FKBP11: variants seen among roughly 807,000 people sequenced by gnomAD.
FKBP11 encodes the protein peptidyl-prolyl cis-trans isomerase FKBP11.
FKBP11 carries 21 observed loss-of-function variants against 24.7 expected under a neutral mutation model. The ratio of observed to expected loss-of-function variants is 0.85; its 90% confidence interval spans 0.60 to 1.23. The LOEUF (loss-of-function observed/expected upper bound fraction) is 1.23, where lower values mean the gene tolerates loss of function less well. Ranked by LOEUF, FKBP11 falls within the 50% of genes most tolerant of loss-of-function variation. The probability of loss-of-function intolerance (pLI) is 0.00; values close to 1 mark genes in which losing one functional copy is unlikely to be tolerated. For synonymous variants in FKBP11, 106 were observed against 100.6 expected, an observed-to-expected ratio of 1.05 and a Z score of -0.32; for missense variants, 245 against 248.7, an observed-to-expected ratio of 0.99 and a Z score of 0.10.
chr12:48,922,172 G>T lies in FKBP11; in HGVS notation c.418C>A (p.Leu140Met). 6.2e-7 allele frequency: 1 copy of T among 1,613,980 alleles called. No individual in the cohort carries two copies. The highest frequency in any genetic ancestry group is 1.1e-5 in the South Asian group (1 of 91,086). Residue 140 changes from leucine (L) to methionine (M), a missense_variant, in exon 6 of 6, where the codon CTG (leucine) becomes ATG (methionine). Coordinates refer to ENST00000550765, the MANE Select transcript of FKBP11 (RefSeq NM_016594.3). ...ADAVVQYDVE[L>M]IALIRANYWL... ...TAGTTGGCTCGGATTAGTGCAATCA[G>T]CTCCACGTCATACTGCACCACTGCA... is the stretch of plus-strand genomic sequence containing the variant.
Position 48,925,434 on chromosome 12 carries a change from G to A in FKBP11, c.-6C>T. ...AGTGAGGGGCGCAGGGTCATGACTG[G>A]GCGCGGGGCAGGGAGCCGGGGCACC... On this transcript the variant is annotated 5_prime_UTR_variant, in exon 1 of 6. Coordinates refer to ENST00000550765, the MANE Select transcript of FKBP11 (RefSeq NM_016594.3). The A allele has an allele frequency of 6.4e-7, 1 of 1,559,020 alleles. No homozygotes were observed. Among genetic ancestry groups the A allele is most frequent in the East Asian group, 2.4e-5 (1 of 42,428 alleles).
chr12:48,925,331 C>CT lies in FKBP11; in HGVS notation c.97dup (p.Ser33LysfsTer43), dbSNP rs758861575. 4.8e-5 allele frequency: 77 copies of CT among 1,610,922 alleles called. No homozygotes were observed. The Admixed American group carries it at 1.3e-3, about 27-fold the overall frequency. On this transcript the variant is annotated frameshift_variant, in exon 1 of 6. Transcript: ENST00000550765. LOFTEE classifies it high-confidence loss of function. Reference sequence around the variant, plus strand: ...CTCCACTTGGAGGGTCCGGACGGGACTTTCGGTTTCGAGCCCAGCCTCAGC... The same window carrying CT: ...CTCCACTTGGAGGGTCCGGACGGGACTTTTCGGTTTCGAGCCCAGCCTCAGC...
chr12:48,927,535 C>A (rs1227590889), upstream of FKBP11, among the ~76,000 whole-genome samples: 3 of 152,126 alleles, frequency 2.0e-5, no homozygotes, highest in Non-Finnish European at 4.4e-5. Context: ...AACAAAAAAA[C>A]CACAAAACTC....
intron 4 of FKBP11, 173 bp downstream of exon 4, chr12:48,924,050 C>T (rs1565700364): frequency 1.0e-5 from 9 of 886,634 alleles, no homozygotes; most frequent in African/African-American, 1.6e-5. Context: ...AAAGCAACAG[C>T]GCAAGAGGCA....
chr12:48,938,668 TGA>T, the FKBP11 span: 348 of 421,764 alleles, frequency 8.3e-4, 1 homozygote, highest in Non-Finnish European at 1.2e-3. Context: ...ACCCAGAGGG[TGA>T]GAGAGAGAGG....
intron 3 of FKBP11, 65 bp downstream of exon 3, chr12:48,924,496 A>C: frequency 2.0e-6 from 3 of 1,473,930 alleles, no homozygotes; most frequent in South Asian, 1.1e-5. Context: ...GCAGCTTTGG[A>C]GCCGAAGAGG....
upstream of FKBP11, among the ~76,000 whole-genome samples, chr12:48,929,712 T>G (rs571315119): frequency 1.5e-4 from 23 of 152,328 alleles, no homozygotes; most frequent in African/African-American, 5.3e-4. Flanking sequence ...TTCTAAATCT[T>G]CATTGCTAGT....
chr12:48,928,816 A>ATATTTT (rs1339667231), upstream of FKBP11, among the ~76,000 whole-genome samples: 1 of 103,472 alleles, frequency 9.7e-6, no homozygotes, highest in Non-Finnish European at 2.0e-5. Context: ...ATAAACTTCT[A>ATATTTT]TCTTTTTTTT....
At chr12:48,938,446 A>T in the FKBP11 span, 1 of 312,596 alleles carries the variant, frequency 3.2e-6, no homozygotes, top group Non-Finnish European at 6.3e-6. Flanking sequence ...CCCGGCCCCC[A>T]CAAATATATC....
upstream of FKBP11, among the ~76,000 whole-genome samples, chr12:48,930,349 T>C (rs1192832975): frequency 6.6e-6 from 1 of 152,186 alleles, no homozygotes; most frequent in African/African-American, 2.4e-5. Flanking sequence ...GCACATCAAA[T>C]AGCTGAGGAT....
intron 5 of FKBP11, chr12:48,922,673 G>A: frequency 1.0e-6 from 1 of 993,100 alleles, no homozygotes; most frequent in Admixed American, 5.7e-5. Context: ...GAGCTGAAGA[G>A]GAAGAAGGAT....
chr12:48,936,465 G>C, the FKBP11 span: 1 of 152,606 alleles, frequency 6.6e-6, no homozygotes, highest in Non-Finnish European at 1.5e-5. Context: ...GGCAGAAATG[G>C]AATGAAACAC....
At chr12:48,932,504 CACTT>C in the FKBP11 span, among the ~76,000 whole-genome samples, 30 of 151,444 alleles carry the variant, frequency 2.0e-4, no homozygotes, top group Admixed American at 7.3e-4. Context: ...AAGAATGAAG[CACTT>C]ACTTACTTCC....
the FKBP11 span, chr12:48,937,940 T>C: frequency 3.1e-5 from 5 of 160,108 alleles, no homozygotes; most frequent in East Asian, 7.3e-4. Flanking sequence ...AGAATGAAGA[T>C]GGAAAACCTC....
At chr12:48,926,523 T>TTC (rs1555175589), upstream of FKBP11, 2 of 121,474 alleles carry the variant, frequency 1.6e-5, no homozygotes, top group East Asian at 2.1e-4. Context: ...CCAGATTTCT[T>TTC]TTTTTTTTTT....
At chr12:48,932,249 ATATATATATATATTTTTTTTT>A in the FKBP11 span, among the ~76,000 whole-genome samples, 2 of 36,918 alleles carry the variant, frequency 5.4e-5, no homozygotes, top group Non-Finnish European at 1.0e-4. Flanking sequence ...ATATATATAT[ATATATATATATATTTTTTTTT>A]TTTTTTTTTT....
upstream of FKBP11, among the ~76,000 whole-genome samples, chr12:48,927,790 G>A (rs1348886776): frequency 6.6e-6 from 1 of 152,152 alleles, no homozygotes; most frequent in Non-Finnish European, 1.5e-5. Context: ...TGACCATGAG[G>A]ATGGAAGCTG....
upstream of FKBP11, chr12:48,931,312 A>G (rs1317751666): frequency 4.1e-6 from 4 of 970,668 alleles, no homozygotes; most frequent in African/African-American, 6.5e-5. Context: ...TCCAGGTCTG[A>G]GGCTCTGTTC....
chr12:48,931,283 G>A (rs935084660), upstream of FKBP11: 8 of 692,212 alleles, frequency 1.2e-5, no homozygotes, highest in African/African-American at 1.8e-5. Context: ...TGTGGTGAAG[G>A]TGGAAGGCTA....
Sources: allele counts gnomAD v4.1 joint callset (sites outside exome capture counted in the v4.1 genomes callset), GRCh38; gene constraint gnomAD v4.1.1; transcripts MANE v1.5; gene names NCBI Gene and HGNC (gene_info 2026-07-23, HGNC 2026-07-21).